NFYA: variants seen among roughly 807,000 people sequenced by gnomAD.
NFYA encodes CAAT-box DNA binding protein subunit A.
In NFYA, 28 loss-of-function variants were observed where a neutral mutation model predicts 52.8. That is an observed-to-expected ratio of 0.53 (90% CI 0.39 to 0.73). The LOEUF is 0.73. Ranked by LOEUF, NFYA falls within the 30% of genes least tolerant of loss-of-function variation. NFYA has a pLI of 0.00. For missense variants in NFYA, 234 were observed against 427.0 expected (o/e 0.55, Z 3.98); for synonymous variants, 150 against 150.7 (o/e 1.00, Z 0.03).
At position 41,084,812 on chromosome 6, in the gene NFYA, A is replaced by G. The variant is rs186941191; in HGVS notation, c.309+620A>G. On this transcript the variant is annotated intron_variant, in intron 4 of 9. Transcript: ENST00000341376. ...ACCCCATCTCTACTAAAAATAAAAA[A>G]TTAGCCGGGCGTGGTGGCACGCACC... is the stretch of plus-strand genomic sequence containing the variant. Among the ~76,000 whole-genome samples the G allele has an allele frequency of 4.6e-5, 7 of 152,300 alleles. No individual in the cohort carries two copies. The East Asian group carries it at 1.2e-3, about 25-fold the overall frequency.
intron 6 of NFYA, 62 bp from the exon 7 acceptor site, chr6:41,091,466 G>C: frequency 1.3e-6 from 2 of 1,526,684 alleles, no homozygotes; most frequent in Non-Finnish European, 1.8e-6. Flanking sequence ...GACTAACTAT[G>C]TTCCCTTCTT....
chr6:41,088,826 T>C (rs1206535869), intron 4 of NFYA, among the ~76,000 whole-genome samples: 1 of 151,998 alleles, frequency 6.6e-6, no homozygotes, highest in Non-Finnish European at 1.5e-5. Context: ...CCTAATCTGC[T>C]CGCCTCAGCC....
chr6:41,074,076 C>T (rs1036006418), intron 1 of NFYA, among the ~76,000 whole-genome samples: 3 of 152,210 alleles, frequency 2.0e-5, no homozygotes, highest in African/African-American at 7.2e-5. Context: ...GTGAAATCTC[C>T]CTCCCTTGGG....
intron 9 of NFYA, 48 bp from the exon 10 acceptor site, chr6:41,097,309 T>C (rs886660316): frequency 1.9e-6 from 3 of 1,580,874 alleles, no homozygotes; most frequent in Middle Eastern, 3.3e-4. Flanking sequence ...CATGAGTTCC[T>C]GTTGCTTTTG....
chr6:41,092,872 C>T, intron 7 of NFYA, 40 bp from the exon 8 acceptor site: 1 of 1,588,008 alleles, frequency 6.3e-7, no homozygotes, highest in Non-Finnish European at 8.6e-7. Context: ...TATGTCCATA[C>T]TTCATGCCAC....
rs377167290 is a variant in NFYA at position 41,094,389 on chromosome 6, G to A, written c.889-7G>A. The A allele has an allele frequency of 1.8e-5, 29 of 1,612,206 alleles. No homozygotes were observed. The highest frequency in any genetic ancestry group is 1.7e-4 in the Middle Eastern group (1 of 6,048). On this transcript the variant is annotated splice_polypyrimidine_tract_variant and splice_region_variant and intron_variant, in intron 8 of 9. Coordinates refer to ENST00000341376, the MANE Select transcript of NFYA (RefSeq NM_002505.5). ...TAATAGTTAAATGGTTTTATTTCTC[G>A]TTTTAGAAATACCTGCATGAGTCTC... is the stretch of plus-strand genomic sequence containing the variant.
At chr6:41,097,207 A>G (rs1764382720) in intron 9 of NFYA, 150 bp from the exon 10 acceptor site, 3 of 685,278 alleles carry the variant, frequency 4.4e-6, no homozygotes, top group Admixed American at 2.4e-5. Flanking sequence ...GCTACACTTT[A>G]AGCCATGTAT....
chr6:41,076,211 C>G (rs1331837718), intron 1 of NFYA, among the ~76,000 whole-genome samples: 1 of 152,030 alleles, frequency 6.6e-6, no homozygotes, highest in East Asian at 1.9e-4. Context: ...AGTTTGAGAC[C>G]AGCCTGGGTA....
intron 4 of NFYA, 107 bp from the exon 5 acceptor site, chr6:41,089,472 C>A: frequency 7.8e-7 from 1 of 1,278,276 alleles, no homozygotes; most frequent in Non-Finnish European, 1.0e-6. Flanking sequence ...TTCTTTTTTC[C>A]TCTTCAGAAC....
At chr6:41,081,006 G>A (rs1260206445) in intron 3 of NFYA, 109 bp downstream of exon 3, 2 of 792,838 alleles carry the variant, frequency 2.5e-6, no homozygotes, top group Non-Finnish European at 4.2e-6. Flanking sequence ...TCAGTTGCAT[G>A]TCTTTGATGC....
At chr6:41,090,105 C>A in intron 5 of NFYA, 99 bp from the exon 6 acceptor site, 1 of 783,248 alleles carries the variant, frequency 1.3e-6, no homozygotes, top group Non-Finnish European at 2.1e-6. Flanking sequence ...CAGAGTGAGA[C>A]TCTGTCTCAA....
chr6:41,090,692 A>G (rs576675608), intron 6 of NFYA, among the ~76,000 whole-genome samples: 41 of 152,354 alleles, frequency 2.7e-4, no homozygotes, highest in African/African-American at 8.9e-4. Context: ...TTAAATGACT[A>G]TTATGTATAC....
Position 41,089,629 on chromosome 6 carries a change from G to A in NFYA, c.360G>A (p.Val120=). The A allele has an allele frequency of 1.9e-6, 3 of 1,612,744 alleles. No homozygotes were observed. The highest frequency in any genetic ancestry group is 2.5e-6 in the Non-Finnish European group (3 of 1,180,018). The stretch of plus-strand genomic sequence containing the variant: ...TCCAGATCCAGGGTGGACAGGCTGT[G>A]CAGGTGCAGGGCCAGCAGGGCCAGA... ...GQIQIQGGQA[V]QVQGQQGQTQ... Residue 120 remains valine, a synonymous_variant, in exon 5 of 10, where the codon GTG becomes GTA. Coordinates refer to ENST00000341376, the MANE Select transcript of NFYA (RefSeq NM_002505.5).
rs1178635986 is a variant in NFYA, at chr6:41,098,828, A to G, written c.*1418A>G. 1.3e-5 allele frequency: 2 copies of G among 152,678 alleles called. No homozygotes were observed. Among genetic ancestry groups the G allele is most frequent in the Non-Finnish European group, 2.9e-5 (2 of 68,044 alleles). The allele number at this position is 152,678 out of a possible 1,614,324, so 9.5% of individuals were successfully genotyped here. A position where few individuals can be genotyped will look rare whatever the true frequency, so the allele number is the denominator to read the frequency against. ...GGTCAGGAACTGGGCCACTGTTCCC[A>G]GAACGGGTTGTGCCTCAGAAATCTA... On this transcript the variant is annotated 3_prime_UTR_variant, in exon 10 of 10. Coordinates refer to ENST00000341376, the MANE Select transcript of NFYA (RefSeq NM_002505.5).
chr6:41,092,598 T>G (rs1764225734), intron 7 of NFYA, among the ~76,000 whole-genome samples: 1 of 152,172 alleles, frequency 6.6e-6, no homozygotes, highest in African/African-American at 2.4e-5. Context: ...GCTGTTTTTT[T>G]GTCTTATGAC....
chr6:41,081,374 C>T (rs1345527012), intron 3 of NFYA, among the ~76,000 whole-genome samples: 2 of 151,982 alleles, frequency 1.3e-5, no homozygotes, highest in African/African-American at 2.4e-5. Context: ...CCTGTAGTCC[C>T]AGCTACTTGG....
At chr6:41,091,744 C>A in intron 7 of NFYA, 50 bp downstream of exon 7, 1 of 1,590,082 alleles carries the variant, frequency 6.3e-7, no homozygotes, top group Non-Finnish European at 8.6e-7. Flanking sequence ...CTTGAACATG[C>A]AACTTGATGC....
intron 1 of NFYA, among the ~76,000 whole-genome samples, 186 bp downstream of exon 1, chr6:41,073,270 C>T (rs1459877187): frequency 6.6e-6 from 1 of 151,522 alleles, no homozygotes; most frequent in Non-Finnish European, 1.5e-5. Flanking sequence ...GCACTCCCGG[C>T]CGAGGCCTGC....
At chr6:41,092,217 G>A (rs1425808174) in intron 7 of NFYA, among the ~76,000 whole-genome samples, 1 of 152,294 alleles carries the variant, frequency 6.6e-6, no homozygotes, top group African/African-American at 2.4e-5. Flanking sequence ...CACAGAGGTG[G>A]AGGAAGCTAT....
Sources: gnomAD v4.1 joint callset for allele counts (sites outside exome capture counted in the v4.1 genomes callset) on GRCh38, gnomAD v4.1.1 for gene constraint, MANE v1.5 for transcripts, NCBI Gene and HGNC (gene_info 2026-07-23, HGNC 2026-07-21) for gene names.